The following PTPRD variants were observed in gnomAD, a reference collection of about 807,000 sequenced individuals.
The protein encoded by PTPRD is protein tyrosine phosphatase receptor type D, also known as receptor-type tyrosine-protein phosphatase delta.
A neutral mutation model predicts 214.5 loss-of-function variants in PTPRD; 34 were observed. The observed-to-expected ratio is 0.16, with a 90% confidence interval of 0.12 to 0.21. The LOEUF (loss-of-function observed/expected upper bound fraction) is 0.21, where lower values mean the gene tolerates loss of function less well. PTPRD is among the 10% of genes least tolerant of loss of function. PTPRD has a pLI of 1.00. For synonymous variants in PTPRD, 1,128 were observed against 845.7 expected, an observed-to-expected ratio of 1.33 and a Z score of -5.79; for missense variants, 2,545 against 2,398.7, an observed-to-expected ratio of 1.06 and a Z score of -1.27.
chr9:9,738,260 A>G (rs1373478601), intron 6 of PTPRD, among the ~76,000 whole-genome samples: 2 of 152,090 alleles, frequency 1.3e-5, no homozygotes, highest in Non-Finnish European at 2.9e-5. Flanking sequence ...GATAAAAACA[A>G]AAATTCAAAC....
intron 8 of PTPRD, among the ~76,000 whole-genome samples, chr9:9,484,286 G>C (rs1206269303): frequency 6.6e-6 from 1 of 152,000 alleles, no homozygotes; most frequent in Non-Finnish European, 1.5e-5. Context: ...TTTTGAATGA[G>C]AGATGCCAGG....
chr9:9,723,276 A>G (rs2098000968), intron 7 of PTPRD, among the ~76,000 whole-genome samples: 2 of 152,042 alleles, frequency 1.3e-5, no homozygotes, highest in Non-Finnish European at 1.5e-5. Flanking sequence ...ATAAAATATT[A>G]CTTTCTCCAT....
At chr9:8,645,143 G>A (rs959293761) in intron 12 of PTPRD, among the ~76,000 whole-genome samples, 14 of 152,154 alleles carry the variant, frequency 9.2e-5, no homozygotes, top group East Asian at 3.8e-4. Flanking sequence ...GGATTGGCAC[G>A]TACTTTGTGC....
intron 10 of PTPRD, among the ~76,000 whole-genome samples, chr9:9,068,549 TTAA>T (rs2099738736): frequency 6.6e-6 from 1 of 152,180 alleles, no homozygotes; most frequent in Admixed American, 6.5e-5. Flanking sequence ...CTTTTAACAC[TTAA>T]TTGCTAGGAC....
chr9:10,456,887 G>A (rs1347312319), intron 2 of PTPRD, among the ~76,000 whole-genome samples: 1 of 151,804 alleles, frequency 6.6e-6, no homozygotes, highest in African/African-American at 2.4e-5. Context: ...TGAACAGGTA[G>A]TAGTCCAAAA....
rs186478701 is a variant in PTPRD, at chr9:9,797,221, C to T, written c.-367-30370G>A. Among the ~76,000 whole-genome samples the T allele has an allele frequency of 5.3e-4, 76 of 142,436 alleles. 2 individuals are homozygous for T. The East Asian group carries it at 0.015, about 29-fold the overall frequency. The allele number at this position is 142,436 out of a possible 152,430, so 93.4% of individuals were successfully genotyped here. A position where few individuals can be genotyped will look rare whatever the true frequency, so the allele number is the denominator to read the frequency against. ...AGATTTATACCAAAATAGTAATACC[C>T]TAGGTAGCAGAATTTCAGGCAGTTT... On this transcript the variant is annotated intron_variant, in intron 5 of 45. Coordinates refer to ENST00000381196, the MANE Select transcript of PTPRD (RefSeq NM_002839.4).
At chr9:8,466,314 A>C (rs1424413058) in intron 31 of PTPRD, among the ~76,000 whole-genome samples, 1 of 151,930 alleles carries the variant, frequency 6.6e-6, no homozygotes, top group Non-Finnish European at 1.5e-5. Flanking sequence ...CATGGAGTCA[A>C]CTTTTTCTAG....
At chr9:9,332,199 C>T (rs762479660) in intron 9 of PTPRD, among the ~76,000 whole-genome samples, 8 of 151,944 alleles carry the variant, frequency 5.3e-5, no homozygotes, top group Non-Finnish European at 1.2e-4. Flanking sequence ...CATTTATGTG[C>T]TTGCTTTCCT....
intron 14 of PTPRD, among the ~76,000 whole-genome samples, chr9:8,627,059 A>G (rs2096066279): frequency 6.6e-6 from 1 of 151,768 alleles, no homozygotes; most frequent in South Asian, 2.1e-4. Context: ...TCTGTCTCAC[A>G]GACTCCTAAA....
intron 32 of PTPRD, among the ~76,000 whole-genome samples, chr9:8,464,688 C>T (rs1157920578): frequency 1.4e-5 from 2 of 148,140 alleles, no homozygotes; most frequent in East Asian, 2.0e-4. Context: ...CAAAATTCAC[C>T]CCCTGCCTAT....
At chr9:9,818,245 A>C (rs966140521) in intron 5 of PTPRD, among the ~76,000 whole-genome samples, 1 of 152,152 alleles carries the variant, frequency 6.6e-6, no homozygotes, top group African/African-American at 2.4e-5. Flanking sequence ...AATTGCAGTA[A>C]TGTACGCTGT....
intron 3 of PTPRD, among the ~76,000 whole-genome samples, chr9:10,199,391 C>A (rs984115804): frequency 1.3e-5 from 2 of 151,980 alleles, no homozygotes; most frequent in Non-Finnish European, 2.9e-5. Context: ...ATTAACAGAT[C>A]AATGTTTATG....
chr9:10,132,447 C>T (rs540138708), intron 3 of PTPRD, among the ~76,000 whole-genome samples: 4 of 151,810 alleles, frequency 2.6e-5, no homozygotes, highest in Admixed American at 6.6e-5. Context: ...ATGAGGACTA[C>T]GTTAAACATG....
At chr9:10,185,426 G>A in intron 3 of PTPRD, among the ~76,000 whole-genome samples, 1 of 152,090 alleles carries the variant, frequency 6.6e-6, no homozygotes, top group East Asian at 1.9e-4. Flanking sequence ...TGAAGAAAAG[G>A]GAGAAAGAAA....
At chr9:9,933,049 G>A (rs1261959529) in intron 5 of PTPRD, among the ~76,000 whole-genome samples, 9 of 151,978 alleles carry the variant, frequency 5.9e-5, no homozygotes, top group South Asian at 2.1e-4. Context: ...TCACCACCAG[G>A]CCTGCCCTAA....
chr9:10,523,659 A>G (rs140974777), intron 2 of PTPRD, among the ~76,000 whole-genome samples: 4,473 of 140,940 alleles, frequency 0.032, 91 homozygotes, highest in South Asian at 0.058. Context: ...AGAGAGAGAA[A>G]TAAAGAGAGA....
intron 5 of PTPRD, among the ~76,000 whole-genome samples, chr9:9,846,179 A>T (rs563930866): frequency 6.6e-6 from 1 of 152,212 alleles, no homozygotes; most frequent in African/African-American, 2.4e-5. Context: ...TCTCCATTTA[A>T]CATTGTATTG....
At chr9:9,917,627 T>C (rs905393765) in intron 5 of PTPRD, among the ~76,000 whole-genome samples, 32 of 151,922 alleles carry the variant, frequency 2.1e-4, no homozygotes, top group African/African-American at 7.2e-4. Flanking sequence ...CAGACAAGGA[T>C]ATAAAAATAG....
chr9:9,526,417 T>G (rs774807391), intron 8 of PTPRD, among the ~76,000 whole-genome samples: 1 of 152,212 alleles, frequency 6.6e-6, no homozygotes, highest in Non-Finnish European at 1.5e-5. Context: ...CCAAAGGGGT[T>G]GCACCATGGC....
Sources: gnomAD v4.1 joint callset for allele counts (sites outside exome capture counted in the v4.1 genomes callset) on GRCh38, gnomAD v4.1.1 for gene constraint, MANE v1.5 for transcripts, NCBI Gene and HGNC (gene_info 2026-07-23, HGNC 2026-07-21) for gene names.